UBR1: variants seen among roughly 807,000 people sequenced by gnomAD.
The protein encoded by UBR1 is ubiquitin protein ligase E3 component n-recognin 1.
In UBR1, 102 loss-of-function variants were observed where a neutral mutation model predicts 242.1. The observed-to-expected ratio is 0.42, with a 90% CI of 0.36 to 0.50. The LOEUF is 0.50. Among genes scored for constraint, UBR1 ranks in the 20% least tolerant of loss-of-function variants. The probability of loss-of-function intolerance (pLI) is 0.01; values close to 1 mark genes in which losing one functional copy is unlikely to be tolerated. For missense variants in UBR1, 1,772 were observed against 2,101.8 expected (o/e 0.84, Z 3.07); for synonymous variants, 675 against 684.8 (o/e 0.99, Z 0.22).
At chr15:42,989,793 G>C (rs1229072089) in intron 34 of UBR1, among the ~76,000 whole-genome samples, 1 of 152,018 alleles carries the variant, frequency 6.6e-6, no homozygotes, top group African/African-American at 2.4e-5. Context: ...CAGAGAACTG[G>C]CATTTTTGTT....
intron 29 of UBR1, among the ~76,000 whole-genome samples, chr15:43,014,433 T>C (rs1167194221): frequency 6.7e-6 from 1 of 150,322 alleles, no homozygotes; most frequent in East Asian, 2.0e-4. Context: ...ATCTAGGAAG[T>C]GAGGAGCGCC....
intron 1 of UBR1, among the ~76,000 whole-genome samples, chr15:43,102,530 A>C (rs1197252738): frequency 6.6e-6 from 1 of 152,228 alleles, no homozygotes; most frequent in East Asian, 1.9e-4. Flanking sequence ...AAAAGAGCTG[A>C]GTATCATGCC....
intron 37 of UBR1, among the ~76,000 whole-genome samples, chr15:42,983,191 T>C (rs1195608224): frequency 6.6e-6 from 1 of 152,182 alleles, no homozygotes; most frequent in Non-Finnish European, 1.5e-5. Context: ...TCATAAGAAT[T>C]TGACCCACAA....
Position 43,075,077 on chromosome 15 carries a change from T to G in UBR1, c.430A>C (p.Thr144Pro). The change falls in exon 4 of 47, where the codon ACT (threonine) becomes CCT (proline). Residue 144 changes from threonine (T) to proline (P), a missense_variant. Around this residue, in one of 3 missense-constraint regions of UBR1, gnomAD observed 734 missense variants for 893.3 expected, o/e 0.82. Transcript: ENST00000290650. ...KNHRYKMHTS[T>P]GGGFCDCGDT... ...CCACAGTCACAGAACCCTCCTCCAG[T>G]AGAAGTATGCATCTGATAAAGGAAA... The G allele has an allele frequency of 1.2e-6, 2 of 1,613,394 alleles. No individual in the cohort carries two copies. Among genetic ancestry groups the G allele is most frequent in the Non-Finnish European group, 8.5e-7 (1 of 1,179,332 alleles).
At chr15:43,056,467 A>T in intron 10 of UBR1, 25 bp from the exon 11 acceptor site, 1 of 1,494,128 alleles carries the variant, frequency 6.7e-7, no homozygotes, top group Non-Finnish European at 9.3e-7. Flanking sequence ...TAGAGAATCA[A>T]TTATAAATCA....
intron 10 of UBR1, among the ~76,000 whole-genome samples, chr15:43,057,359 T>G (rs1189627811): frequency 6.6e-6 from 1 of 152,220 alleles, no homozygotes; most frequent in African/African-American, 2.4e-5. Flanking sequence ...TTTCTTTCTC[T>G]GCTTCCAATT....
intron 29 of UBR1, among the ~76,000 whole-genome samples, chr15:43,015,471 C>G (rs1318738371): frequency 6.6e-6 from 1 of 152,076 alleles, no homozygotes; most frequent in Non-Finnish European, 1.5e-5. Flanking sequence ...CATCACCACT[C>G]CCTAATCTCA....
chr15:43,050,068 CAGCCTCCT>C (rs2033535641), intron 12 of UBR1, among the ~76,000 whole-genome samples: 1 of 152,154 alleles, frequency 6.6e-6, no homozygotes, highest in African/African-American at 2.4e-5. Context: ...CCTCCTGCCT[CAGCCTCCT>C]CAGTAGCTAA....
rs531337679 is a variant in UBR1 at position 43,041,318 on chromosome 15, T to A, written c.1849+1897A>T. Among the ~76,000 whole-genome samples the A allele has an allele frequency of 1.1e-4, 16 of 152,158 alleles. No individual in the cohort carries two copies. In the South Asian group the frequency reaches 1.9e-3, roughly 18 times the overall value. Reference sequence around the variant, plus strand: ...GGGACATGAATGAAGCTGGAAACCATCATTCTCAGCAAACTATCACAGGGA... The same window carrying A: ...GGGACATGAATGAAGCTGGAAACCAACATTCTCAGCAAACTATCACAGGGA... On this transcript the variant is annotated intron_variant, in intron 15 of 46. Coordinates refer to ENST00000290650, the MANE Select transcript of UBR1 (RefSeq NM_174916.3).
At chr15:43,073,437 C>T (rs2141348819) in intron 4 of UBR1, among the ~76,000 whole-genome samples, 1 of 152,288 alleles carries the variant, frequency 6.6e-6, no homozygotes, top group African/African-American at 2.4e-5. Context: ...CTAGTTCTAT[C>T]ATTCCTTGTC....
intron 39 of UBR1, among the ~76,000 whole-genome samples, chr15:42,972,374 T>A (rs572943708): frequency 5.3e-5 from 8 of 152,170 alleles, no homozygotes; most frequent in Non-Finnish European, 1.2e-4. Flanking sequence ...CTTTTTATTT[T>A]TTTTATTTTT....
intron 43 of UBR1, 58 bp downstream of exon 43, chr15:42,960,587 C>G: frequency 1.9e-6 from 3 of 1,547,760 alleles, no homozygotes; most frequent in Non-Finnish European, 2.7e-6. Context: ...AACAAATCAA[C>G]TACTTTAGGA....
At chr15:43,042,515 TG>T (rs2033433026) in intron 15 of UBR1, among the ~76,000 whole-genome samples, 1 of 152,050 alleles carries the variant, frequency 6.6e-6, no homozygotes, top group African/African-American at 2.4e-5. Flanking sequence ...CTAGCGGGTG[TG>T]GGGAGGAGGC....
At chr15:43,069,411 G>C (rs2033795791) in intron 5 of UBR1, among the ~76,000 whole-genome samples, 1 of 151,892 alleles carries the variant, frequency 6.6e-6, no homozygotes, top group Non-Finnish European at 1.5e-5. Flanking sequence ...CAAGCAGCTG[G>C]GACCACGGGG....
At chr15:42,981,837 C>T (rs892408469) in intron 37 of UBR1, among the ~76,000 whole-genome samples, 2 of 152,100 alleles carry the variant, frequency 1.3e-5, no homozygotes, top group African/African-American at 2.4e-5. Flanking sequence ...CTGCTTAATT[C>T]AATCATAAGC....
At chr15:43,032,983 T>A (rs1044581572) in intron 19 of UBR1, among the ~76,000 whole-genome samples, 1 of 152,206 alleles carries the variant, frequency 6.6e-6, no homozygotes, top group African/African-American at 2.4e-5. Context: ...AACAGTTATA[T>A]GGTGAGAGTA....
chr15:43,092,323 A>G (rs2034114587), intron 1 of UBR1, among the ~76,000 whole-genome samples: 1 of 152,162 alleles, frequency 6.6e-6, no homozygotes, highest in Non-Finnish European at 1.5e-5. Context: ...CTCATTCTGT[A>G]CTTATACCAC....
chr15:43,064,967 G>C (rs953687693), intron 6 of UBR1, among the ~76,000 whole-genome samples: 1 of 152,114 alleles, frequency 6.6e-6, no homozygotes, highest in South Asian at 2.1e-4. Context: ...TGTCTTTTAA[G>C]GTCTTTGTGA....
At chr15:43,040,519 C>T (rs1439532813) in intron 15 of UBR1, among the ~76,000 whole-genome samples, 2 of 152,092 alleles carry the variant, frequency 1.3e-5, no homozygotes, top group African/African-American at 4.8e-5. Context: ...TAGGCAATAC[C>T]ATTCAGGACA....
Sources: gnomAD v4.1 joint callset for allele counts (sites outside exome capture counted in the v4.1 genomes callset) on GRCh38, gnomAD v4.1.1 for gene constraint, gnomAD v4.1.1 regional missense constraint, MANE v1.5 for transcripts, NCBI Gene and HGNC (gene_info 2026-07-23, HGNC 2026-07-21) for gene names.